The following ITPRID1 variants were observed in gnomAD, a reference collection of about 807,000 sequenced individuals.
ITPRID1 encodes the protein ITPR interacting domain containing 1.
In ITPRID1, 96 loss-of-function variants were observed where a neutral mutation model predicts 95.4. The observed-to-expected ratio is 1.01, with a 90% CI of 0.85 to 1.19. ITPRID1 has a LOEUF of 1.19. Among genes scored for constraint, ITPRID1 ranks in the 50% most tolerant of loss-of-function variants. The pLI is 0.00. For synonymous variants in ITPRID1, 510 were observed against 453.6 expected, an observed-to-expected ratio of 1.12 and a Z score of -1.58; for missense variants, 1,339 against 1,252.9, an observed-to-expected ratio of 1.07 and a Z score of -1.04.
At chr7:31,591,251 T>G (rs1008863899) in intron 10 of ITPRID1, among the ~76,000 whole-genome samples, 2 of 121,032 alleles carry the variant, frequency 1.7e-5, no homozygotes, top group African/African-American at 6.5e-5. Flanking sequence ...TGGTAGAGAG[T>G]TTTTTCTTAT....
intron 10 of ITPRID1, among the ~76,000 whole-genome samples, chr7:31,586,342 T>C (rs1785606021): frequency 6.6e-6 from 1 of 150,766 alleles, no homozygotes; most frequent in South Asian, 2.1e-4. Context: ...TATAGTCCTT[T>C]GGGTATATAC....
At chr7:31,658,281 G>A (rs937619654), downstream of ITPRID1, 16 of 1,501,548 alleles carry the variant, frequency 1.1e-5, no homozygotes, top group Non-Finnish European at 1.2e-5. Flanking sequence ...GTGAATTATT[G>A]TCTGCAGAGC....
intron 5 of ITPRID1, among the ~76,000 whole-genome samples, chr7:31,559,357 T>C (rs1163075489): frequency 6.6e-6 from 1 of 152,130 alleles, no homozygotes; most frequent in Non-Finnish European, 1.5e-5. Context: ...GCAGAATTTG[T>C]ATAGAAACAC....
chr7:31,592,154 A>G (rs2128154948), intron 10 of ITPRID1, among the ~76,000 whole-genome samples: 1 of 152,302 alleles, frequency 6.6e-6, no homozygotes, highest in African/African-American at 2.4e-5. Context: ...CTCAAAGATA[A>G]CAGGACTCCC....
intron 10 of ITPRID1, among the ~76,000 whole-genome samples, chr7:31,603,290 C>A (rs1786476585): frequency 6.6e-6 from 1 of 152,096 alleles, no homozygotes; most frequent in Non-Finnish European, 1.5e-5. Flanking sequence ...CACATCCTCC[C>A]TCCCCGTGGC....
Position 31,643,959 on chromosome 7 carries a change from TGTTCACCCTGGCAAAGA to T in ITPRID1, c.2583+7_2583+23del. On this transcript the variant is annotated splice_region_variant and intron_variant, in intron 12 of 14. Coordinates refer to ENST00000615280, the MANE Select transcript of ITPRID1 (RefSeq NM_001257967.3). ...CAGTGAGGGAGCTATGTTCCGTAAG[TGTTCACCCTGGCAAAGA>T]TGGAAAGGCAGATGCACCCGTGATA... The T allele has an allele frequency of 6.3e-7, 1 of 1,595,722 alleles. No homozygotes were observed. The highest frequency in any genetic ancestry group is 1.1e-5 in the South Asian group (1 of 88,584).
intron 1 of ITPRID1, among the ~76,000 whole-genome samples, chr7:31,527,187 T>A (rs964047122): frequency 6.6e-6 from 1 of 152,176 alleles, no homozygotes. Context: ...GACAGAGGCT[T>A]ACCTTTACTT....
Position 31,599,630 on chromosome 7 carries a change from TTTCTTTCTTTCTTTCTTTTTCTTTCTTTC to T in ITPRID1, c.1228+16440_1228+16468del, listed in dbSNP as rs1429076239. 1.6e-4 allele frequency among the ~76,000 whole-genome samples: 9 copies of T among 57,818 alleles called. No individual in the cohort carries two copies. In the East Asian group the frequency reaches 1.9e-3, roughly 12 times the overall value. 37.9% of individuals were successfully genotyped at this position (57,818 alleles called of 152,430 possible). A position where few individuals can be genotyped will look rare whatever the true frequency, so the allele number is the denominator to read the frequency against. The stretch of plus-strand genomic sequence containing the variant: ...CTTTCTTTCTTTCTTTCTTTCTTTC[TTTCTTTCTTTCTTTCTTTTTCTTTCTTTC>T]CTTTCTCTCTCTCTCTCTCTCTCTC... On this transcript the variant is annotated intron_variant, in intron 10 of 14. Transcript: ENST00000615280.
At position 31,652,040 on chromosome 7, in the gene ITPRID1, G is replaced by A. The variant is rs1791006674; in HGVS notation, c.2813G>A (p.Gly938Glu). ...GACCGGGCTCAGCAAATCAGAGAAG[G>A]GATTTTACTGGTATGGGTGATGGGG... ...LGDRAQQIRE[G>E]ILLQLEVLTA... Residue 938 changes from glycine to glutamate, a missense_variant, in exon 14 of 15, where the codon GGG (glycine) becomes GAG (glutamate). Transcript: ENST00000615280. The A allele has an allele frequency of 6.3e-7, 1 of 1,595,148 alleles. No individual in the cohort carries two copies. The highest frequency in any genetic ancestry group is 1.7e-5 in the Admixed American group (1 of 57,588).
chr7:31,536,640 C>A (rs117341053), intron 1 of ITPRID1, among the ~76,000 whole-genome samples: 1 of 152,008 alleles, frequency 6.6e-6, no homozygotes, highest in Non-Finnish European at 1.5e-5. Context: ...TCTATCAAGC[C>A]ACTTGTATAG....
In ITPRID1 at chr7:31,577,931, A is replaced by C. The variant is rs546906392; in HGVS notation, c.667A>C (p.Ser223Arg). 2 of 1,613,702 alleles carry C rather than the reference A, an allele frequency of 1.2e-6. No homozygotes were observed. The highest frequency in any genetic ancestry group is 1.3e-5 in the African/African-American group (1 of 75,050). The change falls in exon 9 of 15, where the codon AGC becomes CGC. Residue 223 changes from serine to arginine, a missense_variant. Ser to Arg is a moderately radical substitution (Grantham distance 110, BLOSUM62 -1). Coordinates refer to ENST00000615280, the MANE Select transcript of ITPRID1 (RefSeq NM_001257967.3). ...NAFSSLLSDV[S>R]ILPNRAEEKA... ...CTTCTCATCTCTGCTGAGTGATGTC[A>C]GCATCCTGCCAAACAGAGCTGAAGA...
At chr7:31,642,299 C>A (rs1790096152) in intron 11 of ITPRID1, 41 bp downstream of exon 11, 1 of 1,323,972 alleles carries the variant, frequency 7.6e-7, no homozygotes, top group African/African-American at 1.5e-5. Context: ...TCATCCCTAA[C>A]ATCCCACTTC....
At chr7:31,616,176 TATGATTTGTTA>T (rs2128168449) in intron 10 of ITPRID1, among the ~76,000 whole-genome samples, 1 of 146,730 alleles carries the variant, frequency 6.8e-6, no homozygotes, top group East Asian at 2.1e-4. Flanking sequence ...TTTCAAGAAT[TATGATTTGTTA>T]ATATATTAAT....
chr7:31,554,293 G>C, intron 3 of ITPRID1, 182 bp from the exon 4 acceptor site: 1 of 1,135,184 alleles, frequency 8.8e-7, no homozygotes, highest in South Asian at 2.5e-5. Context: ...TCATTCTCAG[G>C]AAAGGCTGAT....
intron 1 of ITPRID1, among the ~76,000 whole-genome samples, chr7:31,524,389 T>A (rs1783360456): frequency 6.6e-6 from 1 of 152,212 alleles, no homozygotes; most frequent in African/African-American, 2.4e-5. Flanking sequence ...AACATTCATT[T>A]GTGTCCTGAA....
chr7:31,559,311 T>C (rs1352456692), intron 5 of ITPRID1, among the ~76,000 whole-genome samples: 1 of 152,164 alleles, frequency 6.6e-6, no homozygotes, highest in East Asian at 1.9e-4. Flanking sequence ...GGAACCACCA[T>C]CATTGCCTTT....
intron 10 of ITPRID1, among the ~76,000 whole-genome samples, chr7:31,609,680 TTTTC>T (rs1310498995): frequency 4.0e-5 from 6 of 151,586 alleles, no homozygotes; most frequent in African/African-American, 1.4e-4. Context: ...CTTCTGACTT[TTTTC>T]TTTATCATTC....
chr7:31,524,439 G>C (rs994403493), intron 1 of ITPRID1, among the ~76,000 whole-genome samples: 2 of 152,174 alleles, frequency 1.3e-5, no homozygotes, highest in Non-Finnish European at 2.9e-5. Flanking sequence ...GCAATTCACA[G>C]CACATGCAGC....
At chr7:31,630,489 G>T (rs2128192851) in intron 10 of ITPRID1, among the ~76,000 whole-genome samples, 1 of 152,204 alleles carries the variant, frequency 6.6e-6, no homozygotes, top group African/African-American at 2.4e-5. Context: ...TCATTGATTA[G>T]TATTAGCTAT....
Sources: gnomAD v4.1 joint callset for allele counts (sites outside exome capture counted in the v4.1 genomes callset) on GRCh38, gnomAD v4.1.1 for gene constraint, MANE v1.5 for transcripts, NCBI Gene and HGNC (gene_info 2026-07-23, HGNC 2026-07-21) for gene names.